SAG: variants seen among roughly 807,000 people sequenced by gnomAD.
The protein encoded by SAG is S-antigen visual arrestin.
In SAG, 45 loss-of-function variants were observed where a neutral mutation model predicts 55.0. That is an observed-to-expected ratio of 0.82 (90% CI 0.64 to 1.05). The LOEUF is 1.05. Among genes scored for constraint, SAG ranks in the 50% least tolerant of loss-of-function variants. The pLI, the probability that SAG is intolerant of heterozygous loss-of-function variation, is 0.00. For synonymous variants in SAG, 189 were observed against 197.4 expected (o/e 0.96, Z 0.36); for missense variants, 455 against 512.1 (o/e 0.89, Z 1.08).
chr2:233,346,307 G>T (rs1049461069), intron 14 of SAG, 96 bp from the exon 15 acceptor site: 2 of 1,333,400 alleles, frequency 1.5e-6, no homozygotes, highest in Non-Finnish European at 2.2e-6. Context: ...CACCTAAAAG[G>T]TAGACATTTT....
At chr2:233,334,671 A>G in intron 10 of SAG, 1 of 308,912 alleles carries the variant, frequency 3.2e-6, no homozygotes, top group East Asian at 6.2e-5. Context: ...GTGGTCTCTG[A>G]CTCTTGAGCC....
rs1310824432 is a variant in SAG at position 233,346,837 on chromosome 2, G to A, written c.1143G>A (p.Glu381=). The change falls in exon 16 of 16, where the codon GAG becomes GAA. Residue 381 remains glutamate (E), a synonymous_variant. Coordinates refer to ENST00000409110, the MANE Select transcript of SAG (RefSeq NM_000541.5). ...AGGATGCAAATTTAGTTTTTGAGGA[G>A]TTTGCTCGCCATAATCTGAAAGATG... ...SYQDANLVFE[E]FARHNLKDAG... 1.2e-6 allele frequency: 2 copies of A among 1,612,436 alleles called. No homozygotes were observed. Among genetic ancestry groups the A allele is most frequent in the Non-Finnish European group, 1.7e-6 (2 of 1,178,986 alleles).
chr2:233,337,438 A>G (rs1023598441), intron 11 of SAG, among the ~76,000 whole-genome samples: 3 of 152,080 alleles, frequency 2.0e-5, no homozygotes, highest in African/African-American at 4.8e-5. Context: ...GGGTTTCGCC[A>G]TGTTGTCCAG....
Position 233,346,428 on chromosome 2 carries a change from G to A in SAG, c.1112+16G>A, listed in dbSNP as rs374792564. 2.0e-5 allele frequency: 32 copies of A among 1,613,500 alleles called. No homozygotes were observed. The African/African-American group carries it at 3.9e-4, about 20-fold the overall frequency. ...CTAAGGAAAGGTGAGTGAGCCTCTT[G>A]AATGTGGCCCTGATTTGTCCTATGC... On this transcript the variant is annotated intron_variant, in intron 15 of 15. Transcript: ENST00000409110.
intron 11 of SAG, among the ~76,000 whole-genome samples, chr2:233,336,440 G>A (rs1019323404): frequency 1.3e-4 from 19 of 151,924 alleles, no homozygotes; most frequent in African/African-American, 3.1e-4. Context: ...GCTTGAACCC[G>A]GGAGGCGGAG....
At chr2:233,341,083 G>A (rs531856798) in intron 13 of SAG, among the ~76,000 whole-genome samples, 1 of 152,080 alleles carries the variant, frequency 6.6e-6, no homozygotes, top group South Asian at 2.1e-4. Flanking sequence ...CAAAGTGCTG[G>A]GATTATAGAT....
chr2:233,346,687 C>A, intron 15 of SAG, 120 bp from the exon 16 acceptor site: 2 of 789,210 alleles, frequency 2.5e-6, no homozygotes, highest in Admixed American at 2.0e-5. Flanking sequence ...GGCGTGCCCC[C>A]ATGTTCTATC....
intron 6 of SAG, among the ~76,000 whole-genome samples, chr2:233,324,631 G>A (rs972829816): frequency 1.3e-5 from 2 of 152,192 alleles, no homozygotes; most frequent in Non-Finnish European, 2.9e-5. Context: ...GACTGAGGGT[G>A]TGTGAGAGAG....
intron 10 of SAG, chr2:233,332,767 T>TTCTCCC (rs1700808756): frequency 6.6e-6 from 1 of 152,058 alleles, no homozygotes; most frequent in South Asian, 2.1e-4. Context: ...GTTCAAGTGA[T>TTCTCCC]TCTCCTGCCT....
chr2:233,318,930 C>G, intron 4 of SAG, 135 bp downstream of exon 4: 1 of 800,578 alleles, frequency 1.2e-6, no homozygotes, highest in Non-Finnish European at 2.3e-6. Flanking sequence ...GGAACCAGTG[C>G]CAGGCCCACT....
At chr2:233,328,679 C>A in intron 8 of SAG, 66 bp downstream of exon 8, 1 of 1,507,688 alleles carries the variant, frequency 6.6e-7, no homozygotes, top group East Asian at 2.3e-5. Context: ...ACACCCCTCT[C>A]TTCACCAGCC....
rs772579656 is a variant in SAG at position 233,340,470 on chromosome 2, C to T, written c.1038C>T (p.Leu346=). The T allele has an allele frequency of 1.2e-6, 2 of 1,610,638 alleles. No individual in the cohort carries two copies. The highest frequency in any genetic ancestry group is 1.3e-5 in the African/African-American group (1 of 75,012). The change falls in exon 13 of 16, where the codon CTC becomes CTT. Residue 346 remains leucine, a synonymous_variant. Transcript: ENST00000409110. The surrounding 1 kb of genome is among the most constrained non-coding windows in gnomAD (Gnocchi z 4.2). ...TGTTTTCTAGCTTTCTGGGAGAGCTCACCTCCAGGTAAGCCTGTTCACCTT... is the reference window on the plus strand; with the variant it reads ...TGTTTTCTAGCTTTCTGGGAGAGCTTACCTCCAGGTAAGCCTGTTCACCTT... ...KLTVSGFLGE[L]TSSEVATEVP... is the part of the protein sequence containing the mutation.
chr2:233,314,420 CA>C (rs1178038648), intron 2 of SAG, among the ~76,000 whole-genome samples: 1 of 152,072 alleles, frequency 6.6e-6, no homozygotes, highest in Non-Finnish European at 1.5e-5. Flanking sequence ...ACCATGCAGG[CA>C]AGGTGGGGAC....
At chr2:233,342,232 G>A (rs1265430118) in intron 13 of SAG, 39 bp from the exon 14 acceptor site, 9 of 1,498,130 alleles carry the variant, frequency 6.0e-6, no homozygotes, top group South Asian at 2.4e-5. Flanking sequence ...ACAATTGTGT[G>A]TATGGGTGTT....
intron 14 of SAG, chr2:233,345,316 G>A (rs13420688): frequency 6.6e-6 from 1 of 152,134 alleles, no homozygotes; most frequent in Non-Finnish European, 1.5e-5. Context: ...TCTAACCCTG[G>A]GGTGCTGGTG....
Position 233,316,135 on chromosome 2 carries a change from G to T in SAG, c.136G>T (p.Asp46Tyr). ...CCATGTCAGCCAAGTCCAGCCTGTGGGTAAGTTGCTTGGAGAAAACTGTAA... is the reference window on the plus strand; with the variant it reads ...CCATGTCAGCCAAGTCCAGCCTGTGTGTAAGTTGCTTGGAGAAAACTGTAA... ...IDHVSQVQPV[D>Y]GVVLVDPDLV... Residue 46 changes from aspartate to tyrosine, a missense_variant and splice_region_variant, in exon 3 of 16, where the codon GAT (aspartate) becomes TAT (tyrosine). By Grantham distance (160) the Asp-to-Tyr change is radical. Transcript: ENST00000409110. 6.3e-7 allele frequency: 1 copy of T among 1,577,722 alleles called. No individual in the cohort carries two copies. Among genetic ancestry groups the T allele is most frequent in the Non-Finnish European group, 8.7e-7 (1 of 1,153,328 alleles).
intron 9 of SAG, among the ~76,000 whole-genome samples, chr2:233,330,355 C>A (rs997551759): frequency 2.0e-5 from 3 of 152,158 alleles, no homozygotes; most frequent in Non-Finnish European, 4.4e-5. Context: ...CTCTCCCGGG[C>A]AAGCCAGGGT....
intron 2 of SAG, among the ~76,000 whole-genome samples, chr2:233,315,843 C>A (rs904938992): frequency 6.6e-6 from 1 of 151,822 alleles, no homozygotes; most frequent in African/African-American, 2.4e-5. Context: ...GCTGGGACTA[C>A]AGGCGCGTGC....
intron 12 of SAG, 35 bp downstream of exon 12, chr2:233,338,788 G>A (rs1392398467): frequency 1.9e-6 from 3 of 1,571,952 alleles, no homozygotes; most frequent in Non-Finnish European, 2.6e-6. Context: ...GGGCTGCTCT[G>A]TCCTGGTCTT....
Sources: allele counts gnomAD v4.1 joint callset (sites outside exome capture counted in the v4.1 genomes callset), GRCh38; gene constraint gnomAD v4.1.1; non-coding constraint Gnocchi (gnomAD v3.1); transcripts MANE v1.5; gene names NCBI Gene and HGNC (gene_info 2026-07-23, HGNC 2026-07-21).